IFT46: variants seen among roughly 807,000 people sequenced by gnomAD.
IFT46 encodes the protein intraflagellar transport 46, also known as intraflagellar transport protein 46 homolog.
In IFT46, 19 loss-of-function variants were observed where a neutral mutation model predicts 39.6. The ratio of observed to expected loss-of-function variants is 0.48; its 90% confidence interval spans 0.33 to 0.70. The LOEUF (loss-of-function observed/expected upper bound fraction) is 0.70, where lower values mean the gene tolerates loss of function less well. Ranked by LOEUF, IFT46 falls within the 30% of genes least tolerant of loss-of-function variation. The pLI, the probability that IFT46 is intolerant of heterozygous loss-of-function variation, is 0.01. For missense variants in IFT46, 334 were observed against 364.8 expected (o/e 0.92, Z 0.69); for synonymous variants, 117 against 134.8 (o/e 0.87, Z 0.91).
chr11:118,574,560 T>C (rs17122269), upstream of IFT46, among the ~76,000 whole-genome samples: 17,692 of 152,032 alleles, frequency 0.12, 1,810 homozygotes, highest in East Asian at 0.52. Flanking sequence ...AAAAAAAATA[T>C]ACATTTCAAA....
At chr11:118,560,440 G>C (rs1246009752) in intron 2 of IFT46, 1 of 130,470 alleles carries the variant, frequency 7.7e-6, no homozygotes, top group Non-Finnish European at 1.4e-5. Context: ...GGAATGGGAG[G>C]GGAAGGGAGG....
At chr11:118,560,033 A>G in intron 2 of IFT46, 169 bp from the exon 3 acceptor site, 1 of 601,598 alleles carries the variant, frequency 1.7e-6, no homozygotes, top group Non-Finnish European at 2.9e-6. Flanking sequence ...TGCCAGTTCA[A>G]TTCAAGATAT....
chr11:118,554,641 G>A (rs1937766242), intron 6 of IFT46, 54 bp from the exon 7 acceptor site: 8 of 1,539,062 alleles, frequency 5.2e-6, no homozygotes, highest in Non-Finnish European at 6.1e-6. Flanking sequence ...AATAAGTTAA[G>A]AGGAAGAACA....
At chr11:118,576,426 T>TAAAAAAAAAAAAAAAAAAA, upstream of IFT46, among the ~76,000 whole-genome samples, 1 of 108,776 alleles carries the variant, frequency 9.2e-6, no homozygotes, top group Non-Finnish European at 1.8e-5. Context: ...CCAAAAATGT[T>TAAAAAAAAAAAAAAAAAAA]AAAAAAAAAA....
intron 3 of IFT46, among the ~76,000 whole-genome samples, chr11:118,559,056 T>C (rs1338550764): frequency 6.6e-6 from 1 of 151,084 alleles, no homozygotes. Flanking sequence ...TTATTAGAGA[T>C]GGGGTTTCGC....
intron 1 of IFT46, among the ~76,000 whole-genome samples, chr11:118,572,044 C>T (rs1029704996): frequency 6.7e-6 from 1 of 149,880 alleles, no homozygotes; most frequent in Non-Finnish European, 1.5e-5. Flanking sequence ...GAGCCGAGAT[C>T]ACGCCATTGC....
chr11:118,562,371 T>C (rs1938088354), intron 2 of IFT46, among the ~76,000 whole-genome samples: 1 of 151,910 alleles, frequency 6.6e-6, no homozygotes, highest in South Asian at 2.1e-4. Flanking sequence ...GCCCAGGAGG[T>C]CGAGGCTGCA....
intron 2 of IFT46, among the ~76,000 whole-genome samples, chr11:118,562,209 T>C (rs1372759488): frequency 6.6e-6 from 1 of 151,296 alleles, no homozygotes; most frequent in African/African-American, 2.4e-5. Context: ...CCTGGGAGGT[T>C]GAGGTTGCAG....
exon 1 of IFT46, chr11:118,572,674 C>A: frequency 7.6e-7 from 1 of 1,311,272 alleles, no homozygotes; most frequent in Non-Finnish European, 1.1e-6. Flanking sequence ...TGCTTTTGCT[C>A]CGGGCTCGGG....
At chr11:118,568,444 C>T (rs187547749), upstream of IFT46, among the ~76,000 whole-genome samples, 1,780 of 151,986 alleles carry the variant, frequency 0.012, 20 homozygotes, top group Non-Finnish European at 0.019. Flanking sequence ...CCTAGCTACT[C>T]AGGAGGCTGA....
At chr11:118,551,638 C>T in intron 9 of IFT46, 148 bp downstream of exon 9, 4 of 620,766 alleles carry the variant, frequency 6.4e-6, no homozygotes, top group Non-Finnish European at 1.1e-5. Context: ...CATGCCACTG[C>T]ACTGCAGCCT....
At position 118,556,938 on chromosome 11, in the gene IFT46, A is replaced by T. The variant is rs1555069624; in HGVS notation, c.153T>A (p.Asp51Glu). The stretch of plus-strand genomic sequence containing the variant: ...GAGGGGCTCCATGCTCTTCATCATC[A>T]TCATCAGAATCAGAATCAGTTTCAG... The part of the protein sequence containing the change: ...DSSETDSDSD[D>E]DDEEHGAPLE... The change falls in exon 4 of 12, where the codon GAT (aspartate) becomes GAA (glutamate). Residue 51 changes from aspartate to glutamate, a missense_variant. By Grantham distance (45) the Asp-to-Glu change is conservative. Coordinates refer to ENST00000264021, the MANE Select transcript of IFT46 (RefSeq NM_001168618.2). 1 of 1,609,656 alleles carries T rather than the reference A, an allele frequency of 6.2e-7. No homozygotes were observed.
intron 7 of IFT46, 24 bp from the exon 8 acceptor site, chr11:118,552,359 A>G: frequency 1.2e-6 from 2 of 1,613,010 alleles, no homozygotes; most frequent in Non-Finnish European, 1.7e-6. Context: ...GAGAAAGCCT[A>G]GCTGATGGCA....
chr11:118,568,194 CT>C (rs1272918388), upstream of IFT46, among the ~76,000 whole-genome samples: 20 of 152,160 alleles, frequency 1.3e-4, no homozygotes, highest in Admixed American at 5.2e-4. Flanking sequence ...AGGATTTTTA[CT>C]TTTCTAAAAA....
chr11:118,544,933 T>C lies in IFT46; in HGVS notation c.898A>G (p.Thr300Ala), dbSNP rs782548690. ...NSTSQAGDME[T>A]LTFS ...GAAGTGTCTCAGCTGAAGGTTAATG[T>C]CTCCATGTCTCCAGCTTGGGAGGTG... Residue 300 changes from threonine to alanine, a missense_variant, in exon 12 of 12, where the codon ACA (threonine) becomes GCA (alanine). By Grantham distance (58) the Thr-to-Ala change is moderately conservative. Coordinates refer to ENST00000264021, the MANE Select transcript of IFT46 (RefSeq NM_001168618.2). The C allele has an allele frequency of 1.9e-6, 3 of 1,612,902 alleles. No individual in the cohort carries two copies. The highest frequency in any genetic ancestry group is 2.5e-6 in the Non-Finnish European group (3 of 1,179,040).
chr11:118,563,009 G>T (rs1938112111), intron 2 of IFT46, among the ~76,000 whole-genome samples: 1 of 151,650 alleles, frequency 6.6e-6, no homozygotes. Context: ...AGGTTGCAGT[G>T]AGCCAAGATC....
intron 3 of IFT46, chr11:118,557,558 T>A: frequency 1.5e-6 from 1 of 676,224 alleles, no homozygotes; most frequent in Non-Finnish European, 2.5e-6. Flanking sequence ...ATCAACCTTG[T>A]GCCCATCAAA....
At chr11:118,560,098 A>C in intron 2 of IFT46, 1 of 474,380 alleles carries the variant, frequency 2.1e-6, no homozygotes. Flanking sequence ...TACTATTCAA[A>C]TTATCTGCCA....
upstream of IFT46, chr11:118,573,580 G>C: frequency 1.5e-6 from 1 of 653,144 alleles, no homozygotes; most frequent in Non-Finnish European, 2.8e-6. Context: ...GTCTTTTGAA[G>C]GATGTTCTGT....
Sources: allele counts gnomAD v4.1 joint callset (sites outside exome capture counted in the v4.1 genomes callset), GRCh38; gene constraint gnomAD v4.1.1; transcripts MANE v1.5; gene names NCBI Gene and HGNC (gene_info 2026-07-23, HGNC 2026-07-21).